The following SGCZ variants were observed in gnomAD, a reference collection of about 807,000 sequenced individuals.
The protein encoded by SGCZ is zeta-sarcoglycan.
Under a neutral mutation model 41.3 loss-of-function variants are expected in SGCZ, and 40 were observed. The observed-to-expected ratio is 0.97, with a 90% CI of 0.75 to 1.26. The LOEUF is 1.26. SGCZ is among the 50% of genes most tolerant of loss of function. The pLI is 0.00. For synonymous variants in SGCZ, 206 were observed against 137.5 expected, an observed-to-expected ratio of 1.50 and a Z score of -3.49; for missense variants, 552 against 369.8, an observed-to-expected ratio of 1.49 and a Z score of -4.04.
chr8:14,899,246 A>G (rs1240277947), intron 1 of SGCZ, among the ~76,000 whole-genome samples: 1 of 152,080 alleles, frequency 6.6e-6, no homozygotes, highest in Non-Finnish European at 1.5e-5. Context: ...TTAACTTGCA[A>G]TTTAAGATCT....
intron 1 of SGCZ, among the ~76,000 whole-genome samples, chr8:14,865,813 G>A (rs906976940): frequency 1.2e-4 from 18 of 152,050 alleles, no homozygotes; most frequent in African/African-American, 4.3e-4. Flanking sequence ...ATTCTCTGGT[G>A]AATCTCTTAT....
intron 1 of SGCZ, among the ~76,000 whole-genome samples, chr8:15,223,319 T>C (rs1207337493): frequency 1.3e-5 from 2 of 152,152 alleles, no homozygotes; most frequent in South Asian, 2.1e-4. Flanking sequence ...TACAAAAACA[T>C]AGCTTCCCCA....
At chr8:15,087,805 G>A (rs1806003975) in intron 1 of SGCZ, among the ~76,000 whole-genome samples, 1 of 152,070 alleles carries the variant, frequency 6.6e-6, no homozygotes, top group Non-Finnish European at 1.5e-5. Flanking sequence ...ATAGTATGAA[G>A]AAATTCTCTG....
chr8:15,032,221 C>CA (rs1563453226), intron 1 of SGCZ, among the ~76,000 whole-genome samples: 1 of 152,098 alleles, frequency 6.6e-6, no homozygotes, highest in South Asian at 2.1e-4. Context: ...TATCCATACA[C>CA]AAAAAATGTC....
At chr8:14,209,076 C>G (rs953448534) in intron 4 of SGCZ, among the ~76,000 whole-genome samples, 17 of 152,200 alleles carry the variant, frequency 1.1e-4, no homozygotes, top group Non-Finnish European at 1.8e-4. Flanking sequence ...ATGTTCCCAT[C>G]TCTTTGCCAG....
intron 1 of SGCZ, among the ~76,000 whole-genome samples, chr8:14,851,093 GGC>G: frequency 6.6e-6 from 1 of 152,106 alleles, no homozygotes. Context: ...TTCAAGGCTG[GGC>G]GCAGTGGCTC....
chr8:14,549,971 A>G (rs1378861535), intron 2 of SGCZ, among the ~76,000 whole-genome samples: 1 of 152,042 alleles, frequency 6.6e-6, no homozygotes, highest in African/African-American at 2.4e-5. Flanking sequence ...GTATAAATTG[A>G]TACAATCACA....
At chr8:14,450,723 G>A (rs753932014) in intron 2 of SGCZ, among the ~76,000 whole-genome samples, 3 of 152,088 alleles carry the variant, frequency 2.0e-5, no homozygotes, top group Non-Finnish European at 4.4e-5. Context: ...AAAGTTTAAA[G>A]CTCTCATCTC....
At chr8:14,974,041 A>G (rs988169467) in intron 1 of SGCZ, among the ~76,000 whole-genome samples, 9 of 152,318 alleles carry the variant, frequency 5.9e-5, no homozygotes, top group African/African-American at 2.2e-4. Flanking sequence ...AGCAGCTGCT[A>G]TCACCATTTG....
intron 1 of SGCZ, among the ~76,000 whole-genome samples, chr8:14,660,028 A>G (rs1399878486): frequency 6.6e-6 from 1 of 152,184 alleles, no homozygotes; most frequent in Non-Finnish European, 1.5e-5. Flanking sequence ...GAGCTAAGAG[A>G]GAAGTTTGAA....
chr8:14,180,775 C>T (rs1267708264), intron 4 of SGCZ, among the ~76,000 whole-genome samples: 1 of 151,986 alleles, frequency 6.6e-6, no homozygotes, highest in Non-Finnish European at 1.5e-5. Context: ...GCTCCTGAAG[C>T]AGGTGGCCAG....
At chr8:14,230,134 G>C (rs998010667) in intron 4 of SGCZ, among the ~76,000 whole-genome samples, 1 of 152,006 alleles carries the variant, frequency 6.6e-6, no homozygotes, top group Non-Finnish European at 1.5e-5. Flanking sequence ...TGAATATTGA[G>C]GAACGTAAGG....
At position 14,087,589 on chromosome 8, in the gene SGCZ, C is replaced by G. The variant is rs1317161676; in HGVS notation, c.*2854G>C. On this transcript the variant is annotated 3_prime_UTR_variant, in exon 8 of 8. Coordinates refer to ENST00000382080, the MANE Select transcript of SGCZ (RefSeq NM_139167.4). ...ATAAAGGACTCATTTTTCTCAGTGT[C>G]ATTTGGGGAAGATGAAATTTATATA... is the stretch of plus-strand genomic sequence containing the variant. 2.0e-5 allele frequency among the ~76,000 whole-genome samples: 3 copies of G among 151,292 alleles called. No individual in the cohort carries two copies. The highest frequency in any genetic ancestry group is 4.9e-5 in the African/African-American group (2 of 41,208).
intron 1 of SGCZ, among the ~76,000 whole-genome samples, chr8:14,564,894 G>A (rs1331713522): frequency 6.6e-6 from 1 of 151,970 alleles, no homozygotes; most frequent in African/African-American, 2.4e-5. Context: ...ATGCTCAAAG[G>A]GACATTTCAG....
chr8:14,813,730 T>C (rs1801805041), intron 1 of SGCZ, among the ~76,000 whole-genome samples: 1 of 152,122 alleles, frequency 6.6e-6, no homozygotes, highest in African/African-American at 2.4e-5. Context: ...GGTGGGCAGA[T>C]CACCTGAGTT....
intron 1 of SGCZ, among the ~76,000 whole-genome samples, chr8:14,847,109 G>A (rs976407829): frequency 7.5e-6 from 1 of 132,632 alleles, no homozygotes; most frequent in Non-Finnish European, 1.6e-5. Context: ...GAAGAAAGAA[G>A]AAAGAAGAAG....
chr8:14,735,955 T>G (rs949558825), intron 1 of SGCZ, among the ~76,000 whole-genome samples: 5 of 152,012 alleles, frequency 3.3e-5, no homozygotes, highest in African/African-American at 1.2e-4. Flanking sequence ...GATAAAAGTC[T>G]ACCAAATATT....
chr8:14,290,798 A>T (rs996772116), intron 3 of SGCZ, among the ~76,000 whole-genome samples: 1 of 152,126 alleles, frequency 6.6e-6, no homozygotes, highest in Non-Finnish European at 1.5e-5. Context: ...CTCATAAGCT[A>T]CCAGTAGAAC....
chr8:14,884,502 A>G (rs1804716967), intron 1 of SGCZ, among the ~76,000 whole-genome samples: 1 of 152,106 alleles, frequency 6.6e-6, no homozygotes, highest in African/African-American at 2.4e-5. Context: ...GACCTAACAT[A>G]CACTGGGTGT....
Sources: allele counts gnomAD v4.1 joint callset (sites outside exome capture counted in the v4.1 genomes callset), GRCh38; gene constraint gnomAD v4.1.1; transcripts MANE v1.5; gene names NCBI Gene and HGNC (gene_info 2026-07-23, HGNC 2026-07-21).